Variants in C6 observed in about 807,000 individuals in gnomAD.
C6 encodes the protein complement component C6.
A neutral mutation model predicts 112.9 loss-of-function variants in C6; 101 were observed. The observed-to-expected ratio is 0.89, with a 90% CI of 0.76 to 1.06. The LOEUF is 1.06. C6 is among the 50% of genes least tolerant of loss of function. C6 has a pLI of 0.00. For synonymous variants in C6, 431 were observed against 384.1 expected, an observed-to-expected ratio of 1.12 and a Z score of -1.43; for missense variants, 1,202 against 1,104.6, an observed-to-expected ratio of 1.09 and a Z score of -1.25.
intron 1 of C6, among the ~76,000 whole-genome samples, chr5:41,236,972 T>A (rs1485668004): frequency 6.6e-6 from 1 of 151,546 alleles, no homozygotes; most frequent in Non-Finnish European, 1.5e-5. Flanking sequence ...AACTAGAAAA[T>A]CTAGAAGAAG....
intron 1 of C6, among the ~76,000 whole-genome samples, chr5:41,259,175 A>G (rs1741893443): frequency 6.6e-6 from 1 of 152,230 alleles, no homozygotes. Flanking sequence ...GCTCTAATGT[A>G]CTTGAAAACA....
chr5:41,258,067 C>A (rs1375703889), intron 1 of C6, among the ~76,000 whole-genome samples: 1 of 151,962 alleles, frequency 6.6e-6, no homozygotes, highest in African/African-American at 2.4e-5. Context: ...AAAGAAAAAA[C>A]CCACCAGGCA....
chr5:41,229,570 G>A (rs546303953), intron 1 of C6, among the ~76,000 whole-genome samples: 12 of 152,090 alleles, frequency 7.9e-5, no homozygotes, highest in Non-Finnish European at 1.6e-4. Context: ...TTTTTGATGT[G>A]GTAAGACTTT....
At chr5:41,177,857 A>G (rs1748984327) in intron 7 of C6, among the ~76,000 whole-genome samples, 1 of 152,208 alleles carries the variant, frequency 6.6e-6, no homozygotes, top group Non-Finnish European at 1.5e-5. Flanking sequence ...CTTCCATTTT[A>G]GTAAGTGCTC....
intron 1 of C6, among the ~76,000 whole-genome samples, chr5:41,260,513 T>C (rs1404642645): frequency 6.8e-6 from 1 of 147,688 alleles, no homozygotes; most frequent in Non-Finnish European, 1.5e-5. Flanking sequence ...CTCATGCTTG[T>C]AATCCCAGCA....
At chr5:41,245,463 G>A (rs1290590563) in intron 1 of C6, among the ~76,000 whole-genome samples, 26 of 151,746 alleles carry the variant, frequency 1.7e-4, no homozygotes. Context: ...GGAGATTGCA[G>A]TGAACTGAGA....
intron 4 of C6, among the ~76,000 whole-genome samples, chr5:41,199,326 C>A (rs1319351605): frequency 2.6e-5 from 4 of 152,118 alleles, no homozygotes; most frequent in Middle Eastern, 6.8e-3. Context: ...GAACTATGGC[C>A]AACTGTTTTT....
intron 13 of C6, among the ~76,000 whole-genome samples, chr5:41,155,379 T>C (rs991475538): frequency 6.6e-6 from 1 of 152,110 alleles, no homozygotes; most frequent in Non-Finnish European, 1.5e-5. Flanking sequence ...TGTTTGTTTG[T>C]TTTTTTAACT....
At chr5:41,186,037 T>G in intron 6 of C6, 33 bp downstream of exon 6, 1 of 1,613,548 alleles carries the variant, frequency 6.2e-7, no homozygotes, top group Middle Eastern at 1.7e-4. Context: ...TCACTGACGG[T>G]GTTGGAGTTG....
intron 5 of C6, 68 bp from the exon 6 acceptor site, chr5:41,186,276 A>G: frequency 4.5e-6 from 7 of 1,543,176 alleles, no homozygotes; most frequent in South Asian, 4.5e-5. Context: ...CCTTAGTTAT[A>G]TGAAAGGAAT....
chr5:41,153,953 G>C lies in C6; in HGVS notation c.2147C>G (p.Thr716Arg), dbSNP rs1312349514. Residue 716 changes from threonine to arginine, a missense_variant, in exon 15 of 18, where the codon ACA becomes AGA. Transcript: ENST00000337836. ...KPVVQEVLTI[T>R]PFQRLYRIGE... is the part of the protein sequence containing the mutation. ...AATTCTATACAATCTCTGAAATGGTGTAATTGTCAGGACTTCCTGCACAAC... is the reference window on the plus strand; with the variant it reads ...AATTCTATACAATCTCTGAAATGGTCTAATTGTCAGGACTTCCTGCACAAC... 6.2e-7 allele frequency: 1 copy of C among 1,613,812 alleles called. No homozygotes were observed. Among genetic ancestry groups the C allele is most frequent in the South Asian group, 1.1e-5 (1 of 91,080 alleles).
chr5:41,198,910 G>T (rs7443604), intron 4 of C6, among the ~76,000 whole-genome samples: 91,380 of 151,920 alleles, frequency 0.6, 27,547 homozygotes, highest in Non-Finnish European at 0.64. Flanking sequence ...TTCGGATTTT[G>T]CTCTGATTCC....
chr5:41,151,689 A>G (rs1746410003), intron 15 of C6, among the ~76,000 whole-genome samples: 1 of 152,108 alleles, frequency 6.6e-6, no homozygotes, highest in South Asian at 2.1e-4. Flanking sequence ...GACAGATCCA[A>G]AACTTGGGAA....
intron 1 of C6, among the ~76,000 whole-genome samples, chr5:41,209,353 G>A (rs1196564877): frequency 6.6e-6 from 1 of 152,168 alleles, no homozygotes; most frequent in Non-Finnish European, 1.5e-5. Flanking sequence ...TCAACATAGT[G>A]TTGGAAGTTC....
At chr5:41,199,101 AAG>A (rs775658502) in intron 4 of C6, among the ~76,000 whole-genome samples, 4 of 152,186 alleles carry the variant, frequency 2.6e-5, no homozygotes, top group Non-Finnish European at 4.4e-5. Context: ...TGCAGGGAGT[AAG>A]AGGGGAAAAC....
intron 9 of C6, among the ~76,000 whole-genome samples, chr5:41,171,766 G>A (rs1176844196): frequency 6.6e-6 from 1 of 151,952 alleles, no homozygotes; most frequent in Non-Finnish European, 1.5e-5. Flanking sequence ...TTAATGCATG[G>A]CCCCAAAATA....
intron 1 of C6, among the ~76,000 whole-genome samples, chr5:41,207,111 G>A (rs140404128): frequency 0.014 from 2,162 of 152,194 alleles, 21 homozygotes; most frequent in South Asian, 0.024. Context: ...CCAGAATTTC[G>A]TATCCAGCCA....
chr5:41,158,769 T>G lies in C6; in HGVS notation c.1873A>C (p.Asn625His). The change falls in exon 13 of 18, where the codon AAT becomes CAT. Residue 625 changes from asparagine to histidine, a missense_variant. Physicochemically the swap from Asn to His is moderately conservative, Grantham distance 68. Coordinates refer to ENST00000337836, the MANE Select transcript of C6 (RefSeq NM_000065.5). ...IMENNGQPCI[N>H]DDEEMKEVDL... ...ACCTCTTTCATTTCTTCGTCATCAT[T>G]GATACATGGTTGTCCACTAAAAGGG... 1.3e-6 allele frequency: 2 copies of G among 1,577,928 alleles called. No homozygotes were observed. Among genetic ancestry groups the G allele is most frequent in the Admixed American group, 3.3e-5 (2 of 59,890 alleles).
intron 1 of C6, among the ~76,000 whole-genome samples, chr5:41,211,156 A>G (rs564434898): frequency 2.0e-5 from 3 of 152,200 alleles, no homozygotes; most frequent in Middle Eastern, 6.8e-3. Context: ...CAAACACTGA[A>G]TGTTCTCACT....
Sources: allele counts gnomAD v4.1 joint callset (sites outside exome capture counted in the v4.1 genomes callset), GRCh38; gene constraint gnomAD v4.1.1; transcripts MANE v1.5; gene names NCBI Gene and HGNC (gene_info 2026-07-23, HGNC 2026-07-21).